Variants in WWOX observed in about 807,000 individuals in gnomAD.
WWOX encodes WW domain containing oxidoreductase, also known as WW domain-containing oxidoreductase.
WWOX carries 69 observed loss-of-function variants against 46.2 expected under a neutral mutation model. The observed-to-expected ratio is 1.49, with a 90% confidence interval of 1.23 to 1.82. The LOEUF (loss-of-function observed/expected upper bound fraction) is 1.82. Ranked by LOEUF, WWOX falls within the 40% of genes most tolerant of loss-of-function variation. The probability of loss-of-function intolerance (pLI) is 0.00; values close to 1 mark genes in which losing one functional copy is unlikely to be tolerated. For missense variants in WWOX, 919 were observed against 542.6 expected (o/e 1.69, Z -6.89); for synonymous variants, 359 against 202.6 (o/e 1.77, Z -6.56).
chr16:79,172,297 A>G (rs2050714962), intron 8 of WWOX, among the ~76,000 whole-genome samples: 1 of 152,182 alleles, frequency 6.6e-6, no homozygotes, highest in South Asian at 2.1e-4. Context: ...GTAGGAATGT[A>G]TTAAATGCAG....
chr16:78,649,333 G>C (rs1018854811), intron 8 of WWOX, among the ~76,000 whole-genome samples: 3 of 151,800 alleles, frequency 2.0e-5, no homozygotes, highest in Non-Finnish European at 4.4e-5. Context: ...TACCAGATTG[G>C]AGTGCAGTGG....
intron 5 of WWOX, among the ~76,000 whole-genome samples, chr16:78,217,415 G>T (rs532844086): frequency 6.6e-6 from 1 of 152,204 alleles, no homozygotes; most frequent in Non-Finnish European, 1.5e-5. Context: ...AATAGCCTTT[G>T]TGTGATGTGA....
At chr16:79,131,568 C>A (rs555320634) in intron 8 of WWOX, among the ~76,000 whole-genome samples, 76 of 152,262 alleles carry the variant, frequency 5.0e-4, no homozygotes, top group African/African-American at 1.7e-3. Context: ...TAAATCAACT[C>A]TTGAATGATG....
chr16:78,878,887 C>A (rs1356368284), intron 8 of WWOX, among the ~76,000 whole-genome samples: 1 of 117,282 alleles, frequency 8.5e-6, no homozygotes, highest in African/African-American at 3.2e-5. Context: ...AAAATACTAT[C>A]TCTACAAAAA....
chr16:78,370,813 T>C (rs1430482139), intron 5 of WWOX, among the ~76,000 whole-genome samples: 1 of 142,998 alleles, frequency 7.0e-6, no homozygotes, highest in Non-Finnish European at 1.5e-5. Flanking sequence ...AATGCATTCT[T>C]AACCCCCTTC....
At chr16:78,738,445 A>G (rs979814207) in intron 8 of WWOX, among the ~76,000 whole-genome samples, 3 of 152,222 alleles carry the variant, frequency 2.0e-5, no homozygotes, top group African/African-American at 7.2e-5. Flanking sequence ...CAGGTGGCCA[A>G]TGAAGTGTCA....
intron 8 of WWOX, among the ~76,000 whole-genome samples, chr16:79,166,592 A>G (rs1354610332): frequency 1.3e-5 from 2 of 152,136 alleles, no homozygotes; most frequent in South Asian, 2.1e-4. Context: ...TGTCAGGTAG[A>G]CTTATTTTTC....
intron 8 of WWOX, among the ~76,000 whole-genome samples, chr16:78,987,936 G>A (rs1380708297): frequency 6.6e-6 from 1 of 152,088 alleles, no homozygotes; most frequent in African/African-American, 2.4e-5. Context: ...ATCCATGGTA[G>A]TCCCAGTGGG....
chr16:78,918,281 G>C (rs775537024), intron 8 of WWOX, among the ~76,000 whole-genome samples: 17 of 152,140 alleles, frequency 1.1e-4, no homozygotes, highest in Non-Finnish European at 1.8e-4. Flanking sequence ...AAAATAAATG[G>C]ATACATGATA....
chr16:78,320,581 A>C (rs992038217), intron 5 of WWOX, among the ~76,000 whole-genome samples: 4 of 152,232 alleles, frequency 2.6e-5, no homozygotes, highest in African/African-American at 4.8e-5. Flanking sequence ...GAAGAAGTCA[A>C]CTTACCTCTT....
intron 8 of WWOX, among the ~76,000 whole-genome samples, chr16:78,635,964 G>A (rs1254587054): frequency 2.6e-5 from 4 of 152,118 alleles, no homozygotes; most frequent in Admixed American, 6.5e-5. Context: ...AGGAAGCCTT[G>A]GCCTAATTGC....
intron 5 of WWOX, among the ~76,000 whole-genome samples, chr16:78,265,576 G>A (rs1046540571): frequency 1.8e-4 from 28 of 151,846 alleles, no homozygotes; most frequent in Non-Finnish European, 3.5e-4. Flanking sequence ...TACTTGGGAG[G>A]CTGAGGCAGG....
chr16:78,325,132 CT>C (rs1188231334), intron 5 of WWOX, among the ~76,000 whole-genome samples: 2 of 152,144 alleles, frequency 1.3e-5, no homozygotes, highest in Non-Finnish European at 2.9e-5. Context: ...CTGTGGCAGC[CT>C]TTAAAGCTAG....
At chr16:79,005,678 A>G (rs2347084) in intron 8 of WWOX, among the ~76,000 whole-genome samples, 5,123 of 152,186 alleles carry the variant, frequency 0.034, 277 homozygotes, top group African/African-American at 0.12. Flanking sequence ...TCTTCTTATA[A>G]GGACACCAGT....
At chr16:78,723,811 C>G (rs184261224) in intron 8 of WWOX, among the ~76,000 whole-genome samples, 1 of 151,976 alleles carries the variant, frequency 6.6e-6, no homozygotes, top group Non-Finnish European at 1.5e-5. Context: ...ATCACTCAGA[C>G]TAAGCAGTTG....
chr16:78,472,008 G>T (rs1306349629), intron 8 of WWOX, among the ~76,000 whole-genome samples: 1 of 152,008 alleles, frequency 6.6e-6, no homozygotes, highest in Non-Finnish European at 1.5e-5. Context: ...ACTTTATTCA[G>T]CGAAGACATT....
At chr16:78,538,983 A>G (rs997927599) in intron 8 of WWOX, among the ~76,000 whole-genome samples, 4 of 152,220 alleles carry the variant, frequency 2.6e-5, no homozygotes, top group African/African-American at 9.6e-5. Flanking sequence ...GCCCTTTCAC[A>G]GCTGTGGGAT....
At chr16:78,642,811 C>T (rs1426205058) in intron 8 of WWOX, among the ~76,000 whole-genome samples, 1 of 152,140 alleles carries the variant, frequency 6.6e-6, no homozygotes, top group African/African-American at 2.4e-5. Flanking sequence ...AAAAACATCT[C>T]TTTTCTAACT....
In WWOX at chr16:78,922,598, C is replaced by T. The variant is rs371751344; in HGVS notation, c.1057-289010C>T. Among the ~76,000 whole-genome samples, 232 of 152,236 alleles carry T rather than the reference C, an allele frequency of 1.5e-3. No individual in the cohort carries two copies. In the Middle Eastern group the frequency reaches 0.034, roughly 22 times the overall value. ...TTCACCATGTTGCCCAGGCTGCTCTCGAGCTCCTGACCTTAGGTGATCCCC... is the reference window on the plus strand; with the variant it reads ...TTCACCATGTTGCCCAGGCTGCTCTTGAGCTCCTGACCTTAGGTGATCCCC... On this transcript the variant is annotated intron_variant, in intron 8 of 8. Transcript: ENST00000566780.
Sources: gnomAD v4.1 joint callset for allele counts (sites outside exome capture counted in the v4.1 genomes callset) on GRCh38, gnomAD v4.1.1 for gene constraint, MANE v1.5 for transcripts, NCBI Gene and HGNC (gene_info 2026-07-23, HGNC 2026-07-21) for gene names.